The following ZCCHC2 variants were observed in gnomAD, a reference collection of about 807,000 sequenced individuals.
ZCCHC2 encodes zinc finger CCHC-type containing 2, also known as zinc finger CCHC domain-containing protein 2.
ZCCHC2 carries 39 observed loss-of-function variants against 103.6 expected under a neutral mutation model. That is an observed-to-expected ratio of 0.38 (90% CI 0.29 to 0.49). ZCCHC2 has a LOEUF of 0.49. ZCCHC2 is among the 20% of genes least tolerant of loss of function. The pLI is 0.96. For synonymous variants in ZCCHC2, 687 were observed against 608.9 expected, an observed-to-expected ratio of 1.13 and a Z score of -1.89; for missense variants, 1,483 against 1,491.0, an observed-to-expected ratio of 0.99 and a Z score of 0.09.
chr18:62,549,802 ATAAG>A, intron 4 of ZCCHC2, among the ~76,000 whole-genome samples: 1 of 152,196 alleles, frequency 6.6e-6, no homozygotes, highest in East Asian at 1.9e-4. Context: ...TTTTATATAA[ATAAG>A]TAATATTGAG....
chr18:62,535,580 T>C (rs1254019901), intron 1 of ZCCHC2, among the ~76,000 whole-genome samples: 2 of 152,176 alleles, frequency 1.3e-5, no homozygotes, highest in Non-Finnish European at 2.9e-5. Context: ...ACCCCTCTCC[T>C]CTCTCCACGT....
intron 12 of ZCCHC2, among the ~76,000 whole-genome samples, chr18:62,571,632 A>T (rs1916602593): frequency 6.6e-6 from 1 of 152,218 alleles, no homozygotes; most frequent in South Asian, 2.1e-4. Context: ...ATGTTGAATG[A>T]GGATGTCATT....
At chr18:62,536,656 C>T (rs1914942436) in intron 1 of ZCCHC2, among the ~76,000 whole-genome samples, 1 of 152,224 alleles carries the variant, frequency 6.6e-6, no homozygotes, top group Non-Finnish European at 1.5e-5. Flanking sequence ...CCAGCTCATG[C>T]AGCGTTACAT....
intron 2 of ZCCHC2, among the ~76,000 whole-genome samples, 163 bp from the exon 3 acceptor site, chr18:62,542,335 T>A (rs1398908184): frequency 1.3e-5 from 2 of 152,210 alleles, no homozygotes; most frequent in African/African-American, 4.8e-5. Context: ...CTTCTAGTTT[T>A]TTTGTCTTCT....
chr18:62,550,080 C>T (rs1915598755), intron 4 of ZCCHC2, among the ~76,000 whole-genome samples: 1 of 152,234 alleles, frequency 6.6e-6, no homozygotes, highest in South Asian at 2.1e-4. Flanking sequence ...TGCAGGCATC[C>T]TCCTGTCCCA....
In ZCCHC2 at chr18:62,523,671, G is replaced by A. The variant is rs1480115178; in HGVS notation, c.247G>A (p.Gly83Ser). 2.9e-6 allele frequency: 4 copies of A among 1,362,292 alleles called. No individual in the cohort carries two copies. Among genetic ancestry groups the A allele is most frequent in the Non-Finnish European group, 3.8e-6 (4 of 1,061,516 alleles). 84.4% of individuals were successfully genotyped at this position (1,362,292 alleles called of 1,614,324 possible). The change falls in exon 1 of 14, where the codon GGC becomes AGC. Residue 83 changes from glycine (G) to serine (S), a missense_variant. By Grantham distance (56) the Gly-to-Ser change is moderately conservative. This residue lies in a region of ZCCHC2 where 568 missense variants were observed against 525.1 expected (regional missense o/e 1.08). Transcript: ENST00000269499. ...AGCGGCGGCGGGGGCGGGTATGCCG[G>A]GCGGCGGCGGGGGGCCCTCGGCGGC... is the stretch of plus-strand genomic sequence containing the variant. ...GGAAAGAGMPGGGGGPSAALR... is the reference protein window; with the variant it reads ...GGAAAGAGMPSGGGGPSAALR...
intron 6 of ZCCHC2, among the ~76,000 whole-genome samples, chr18:62,557,896 A>T (rs1915961822): frequency 6.6e-6 from 1 of 152,210 alleles, no homozygotes; most frequent in Non-Finnish European, 1.5e-5. Flanking sequence ...TAAAATTAAA[A>T]CACTGTATGA....
At chr18:62,555,363 C>G (rs570648483) in intron 5 of ZCCHC2, among the ~76,000 whole-genome samples, 1 of 152,282 alleles carries the variant, frequency 6.6e-6, no homozygotes, top group African/African-American at 2.4e-5. Flanking sequence ...GATACACATT[C>G]AACATGAGTC....
chr18:62,566,843 A>T (rs1003003642), intron 11 of ZCCHC2, among the ~76,000 whole-genome samples: 2 of 152,180 alleles, frequency 1.3e-5, no homozygotes, highest in Non-Finnish European at 2.9e-5. Context: ...CATGAAGAGC[A>T]TTTTCCTAGT....
At chr18:62,562,919 A>G in intron 8 of ZCCHC2, 90 bp from the exon 9 acceptor site, 1 of 1,440,692 alleles carries the variant, frequency 6.9e-7, no homozygotes. Context: ...TAATATATTG[A>G]AGAAAGGGTT....
intron 6 of ZCCHC2, among the ~76,000 whole-genome samples, chr18:62,558,298 C>T (rs1044120489): frequency 6.6e-6 from 1 of 152,042 alleles, no homozygotes; most frequent in Non-Finnish European, 1.5e-5. Flanking sequence ...GACAGTGCCA[C>T]GTTATTTTAT....
intron 1 of ZCCHC2, among the ~76,000 whole-genome samples, chr18:62,531,095 C>T (rs1167367778): frequency 6.6e-6 from 1 of 151,758 alleles, no homozygotes; most frequent in African/African-American, 2.4e-5. Context: ...AAGGCCTGTA[C>T]TACTGTCAAG....
intron 4 of ZCCHC2, among the ~76,000 whole-genome samples, chr18:62,545,206 T>G (rs1313050939): frequency 6.6e-6 from 1 of 151,846 alleles, no homozygotes; most frequent in African/African-American, 2.4e-5. Context: ...GGCAACTTAG[T>G]GAGAACCTAT....
At chr18:62,565,889 C>G (rs1158205329) in intron 11 of ZCCHC2, among the ~76,000 whole-genome samples, 1 of 152,044 alleles carries the variant, frequency 6.6e-6, no homozygotes, top group African/African-American at 2.4e-5. Flanking sequence ...TATTTTTCAA[C>G]TAGATATTTG....
rs537327436 is a variant in ZCCHC2, at chr18:62,576,371, G to A, written c.3470-141G>A. The A allele has an allele frequency of 1.8e-4, 110 of 626,232 alleles. 1 individual carries two copies. Among genetic ancestry groups the A allele is most frequent in the South Asian group, 1.5e-3 (77 of 50,518 alleles). 38.8% of individuals were successfully genotyped at this position (626,232 alleles called of 1,614,324 possible). On this transcript the variant is annotated intron_variant, in intron 13 of 13. Transcript: ENST00000269499. ...CAAACTTTACATTGCTTTTTAAAGTGAGCGGATTGGCCATTTGGAGTGGCA... is the reference window on the plus strand; with the variant it reads ...CAAACTTTACATTGCTTTTTAAAGTAAGCGGATTGGCCATTTGGAGTGGCA...
chr18:62,542,264 T>C (rs1405845186), intron 2 of ZCCHC2, among the ~76,000 whole-genome samples: 1 of 152,206 alleles, frequency 6.6e-6, no homozygotes, highest in African/African-American at 2.4e-5. Flanking sequence ...ACTTAAACAC[T>C]CAGCATGTCG....
chr18:62,574,589 C>T lies in ZCCHC2; in HGVS notation c.2508C>T (p.Pro836=), dbSNP rs775157517. 6.2e-6 allele frequency: 10 copies of T among 1,613,852 alleles called. 1 individual carries two copies. Among genetic ancestry groups the T allele is most frequent in the Middle Eastern group, 1.6e-4 (1 of 6,084 alleles). The change falls in exon 13 of 14, where the codon CCC becomes CCT. Residue 836 remains proline (P), a synonymous_variant. Coordinates refer to ENST00000269499, the MANE Select transcript of ZCCHC2 (RefSeq NM_017742.6). ...CAGTTAACATCCCACAACAACCACC[C>T]GGAAGCCTGAGCATCGCATCACCAA... ...SCTVNIPQQP[P]GSLSIASPNT...
At chr18:62,530,372 GATA>G (rs1158409241) in intron 1 of ZCCHC2, among the ~76,000 whole-genome samples, 4 of 152,228 alleles carry the variant, frequency 2.6e-5, no homozygotes, top group Admixed American at 6.5e-5. Context: ...GTAAAATGGG[GATA>G]ATAACTTTTG....
At chr18:62,564,666 A>T in intron 10 of ZCCHC2, 31 bp downstream of exon 10, 1 of 1,472,746 alleles carries the variant, frequency 6.8e-7, no homozygotes, top group South Asian at 1.3e-5. Context: ...GACAGCATAT[A>T]GCCTTTGATA....
Sources: allele counts gnomAD v4.1 joint callset (sites outside exome capture counted in the v4.1 genomes callset), GRCh38; gene constraint gnomAD v4.1.1; regional missense constraint gnomAD v4.1.1; transcripts MANE v1.5; gene names NCBI Gene and HGNC (gene_info 2026-07-23, HGNC 2026-07-21).